Variants in HDAC9 observed in about 807,000 individuals in gnomAD.
The protein encoded by HDAC9 is MEF-2 interacting transcription repressor (MITR) protein.
In HDAC9, 41 loss-of-function variants were observed where a neutral mutation model predicts 139.4. That is an observed-to-expected ratio of 0.29 (90% CI 0.23 to 0.38). HDAC9 has a LOEUF of 0.38. HDAC9 is among the 10% of genes least tolerant of loss of function. HDAC9 has a pLI of 1.00. For missense variants in HDAC9, 1,147 were observed against 1,297.0 expected, an observed-to-expected ratio of 0.88 and a Z score of 1.78; for synonymous variants, 517 against 476.2, an observed-to-expected ratio of 1.09 and a Z score of -1.12.
intron 22 of HDAC9, among the ~76,000 whole-genome samples, chr7:18,883,001 T>A (rs1307738618): frequency 6.6e-6 from 1 of 152,186 alleles, no homozygotes; most frequent in East Asian, 1.9e-4. Context: ...TTTCTATATC[T>A]GTTTGTATTC....
At chr7:18,342,428 G>T (rs1436896667) in intron 1 of HDAC9, among the ~76,000 whole-genome samples, 1 of 151,800 alleles carries the variant, frequency 6.6e-6, no homozygotes, top group Non-Finnish European at 1.5e-5. Context: ...GTCTTAAAAT[G>T]TTTGCTTCAA....
intron 12 of HDAC9, among the ~76,000 whole-genome samples, chr7:18,700,004 GT>G (rs1783343104): frequency 6.6e-6 from 1 of 151,944 alleles, no homozygotes; most frequent in South Asian, 2.1e-4. Context: ...TCAAAGCCAT[GT>G]TTTGTGGAAT....
intron 11 of HDAC9, among the ~76,000 whole-genome samples, chr7:18,656,994 T>C (rs942961876): frequency 3.9e-5 from 6 of 152,164 alleles, no homozygotes; most frequent in African/African-American, 1.4e-4. Context: ...TGGGGTGAGA[T>C]GATGTCTCAT....
chr7:18,674,493 T>C (rs1781376356), intron 12 of HDAC9, among the ~76,000 whole-genome samples: 2 of 152,210 alleles, frequency 1.3e-5, no homozygotes, highest in Admixed American at 6.5e-5. Flanking sequence ...TAGTTTCCCA[T>C]GTAATTCTTA....
intron 1 of HDAC9, among the ~76,000 whole-genome samples, chr7:18,378,279 A>G (rs1338602892): frequency 1.3e-5 from 2 of 152,190 alleles, no homozygotes; most frequent in Non-Finnish European, 2.9e-5. Context: ...TTTAGTACAA[A>G]CAAATACCAC....
chr7:18,662,427 G>A (rs1261064185), intron 11 of HDAC9, among the ~76,000 whole-genome samples: 2 of 151,978 alleles, frequency 1.3e-5, no homozygotes, highest in Admixed American at 6.6e-5. Context: ...GGAGGTCAAG[G>A]AAAGTTTTAG....
chr7:18,434,069 A>G (rs1470957348), intron 1 of HDAC9, among the ~76,000 whole-genome samples: 2 of 152,220 alleles, frequency 1.3e-5, no homozygotes, highest in Non-Finnish European at 2.9e-5. Flanking sequence ...AAACAGACAC[A>G]TAGACCAACA....
intron 1 of HDAC9, among the ~76,000 whole-genome samples, chr7:18,372,584 T>C (rs1406741944): frequency 6.6e-6 from 1 of 152,224 alleles, no homozygotes; most frequent in Non-Finnish European, 1.5e-5. Flanking sequence ...GTTTAAAATA[T>C]GTTGATAGAA....
intron 12 of HDAC9, among the ~76,000 whole-genome samples, chr7:18,709,409 T>C (rs1784183022): frequency 6.6e-6 from 1 of 152,232 alleles, no homozygotes; most frequent in Non-Finnish European, 1.5e-5. Context: ...GTATGGAGTT[T>C]GTTTCAATTC....
chr7:18,573,843 T>A (rs1318408879), intron 2 of HDAC9, among the ~76,000 whole-genome samples: 1 of 152,162 alleles, frequency 6.6e-6, no homozygotes, highest in Non-Finnish European at 1.5e-5. Flanking sequence ...AAAGAGAGTG[T>A]CACAGCCCCC....
intron 12 of HDAC9, chr7:18,666,825 G>A (rs1480607144): frequency 5.6e-6 from 6 of 1,069,992 alleles, no homozygotes; most frequent in Non-Finnish European, 6.8e-6. Flanking sequence ...CAAATTCACT[G>A]TTATTTTGAG....
chr7:18,946,872 G>A (rs927114471), intron 23 of HDAC9, among the ~76,000 whole-genome samples: 1 of 151,894 alleles, frequency 6.6e-6, no homozygotes, highest in Admixed American at 6.6e-5. Context: ...TTCTTTTCAA[G>A]GACATTCTTA....
chr7:18,707,481 T>G (rs1784018134), intron 12 of HDAC9, among the ~76,000 whole-genome samples: 1 of 152,150 alleles, frequency 6.6e-6, no homozygotes, highest in Non-Finnish European at 1.5e-5. Context: ...AAAATATTTA[T>G]AAATATATGC....
At chr7:18,285,331 T>C (rs1479152949) in intron 2 of HDAC9, among the ~76,000 whole-genome samples, 1 of 152,154 alleles carries the variant, frequency 6.6e-6, no homozygotes, top group East Asian at 1.9e-4. Context: ...AATAATGACA[T>C]AATTATACCA....
intron 1 of HDAC9, among the ~76,000 whole-genome samples, chr7:18,331,921 A>G (rs1175273304): frequency 6.6e-6 from 1 of 151,594 alleles, no homozygotes; most frequent in African/African-American, 2.4e-5. Flanking sequence ...AGTGGTGATC[A>G]CATGTGCGGA....
At chr7:18,850,759 T>C (rs1185599383) in intron 21 of HDAC9, among the ~76,000 whole-genome samples, 2 of 152,172 alleles carry the variant, frequency 1.3e-5, no homozygotes, top group African/African-American at 2.4e-5. Flanking sequence ...ATGTATTTTG[T>C]ACACTTCTGG....
At chr7:18,678,041 C>CT (rs1176117844) in intron 12 of HDAC9, among the ~76,000 whole-genome samples, 2 of 151,774 alleles carry the variant, frequency 1.3e-5, no homozygotes, top group Non-Finnish European at 2.9e-5. Flanking sequence ...TTCAGCACCT[C>CT]TTTTTTTGAA....
At chr7:18,438,633 A>ATGC (rs1238170187) in intron 1 of HDAC9, among the ~76,000 whole-genome samples, 3 of 119,350 alleles carry the variant, frequency 2.5e-5, no homozygotes, top group African/African-American at 9.7e-5. Context: ...AGACAGTGAT[A>ATGC]TGCTGTGTGT....
At chr7:18,209,885 A>C (rs1382104561) in intron 2 of HDAC9, among the ~76,000 whole-genome samples, 1 of 152,038 alleles carries the variant, frequency 6.6e-6, no homozygotes, top group Non-Finnish European at 1.5e-5. Context: ...TATTTTTAGT[A>C]GAGATGGGGT....
Sources: gnomAD v4.1 joint callset for allele counts (sites outside exome capture counted in the v4.1 genomes callset) on GRCh38, gnomAD v4.1.1 for gene constraint, MANE v1.5 for transcripts, NCBI Gene and HGNC (gene_info 2026-07-23, HGNC 2026-07-21) for gene names.